MAPKAPK5: variants seen among roughly 807,000 people sequenced by gnomAD.
The protein encoded by MAPKAPK5 is MAP kinase-activated protein kinase 5.
A neutral mutation model predicts 65.1 loss-of-function variants in MAPKAPK5; 30 were observed. The ratio of observed to expected loss-of-function variants is 0.46; its 90% CI spans 0.34 to 0.63. The LOEUF is 0.63. Ranked by LOEUF, MAPKAPK5 falls within the 20% of genes least tolerant of loss-of-function variation. The pLI is 0.01. For synonymous variants in MAPKAPK5, 179 were observed against 204.6 expected, an observed-to-expected ratio of 0.87 and a Z score of 1.07; for missense variants, 433 against 581.4, an observed-to-expected ratio of 0.74 and a Z score of 2.63.
intron 7 of MAPKAPK5, among the ~76,000 whole-genome samples, chr12:111,875,927 C>T (rs371635809): frequency 5.3e-5 from 8 of 151,980 alleles, no homozygotes; most frequent in African/African-American, 9.7e-5. Flanking sequence ...AGTGATGGGC[C>T]GGGCGCAGTG....
Position 111,901,024 on chromosome 12 carries a change from T to C in MAPKAPK5, c.*7963T>C, listed in dbSNP as rs1237386362. On this transcript the variant is annotated 3_prime_UTR_variant, in exon 14 of 14. Transcript: ENST00000550735. ...TATGTTCGGTGTTCAGATGGTAATA[T>C]ATTTTGTGGGAAACTTATATGTTCA... 5 of 455,956 alleles carry C rather than the reference T, an allele frequency of 1.1e-5. No individual in the cohort carries two copies. Among genetic ancestry groups the C allele is most frequent in the Admixed American group, 2.4e-5 (1 of 42,544 alleles). 28.2% of individuals were successfully genotyped at this position (455,956 alleles called of 1,614,324 possible). A position where few individuals can be genotyped will look rare whatever the true frequency, so the allele number is the denominator to read the frequency against.
In MAPKAPK5 at chr12:111,898,077, CGAA is replaced by C. The variant is rs2070880268; in HGVS notation, c.*5020_*5022del. On this transcript the variant is annotated 3_prime_UTR_variant, in exon 14 of 14. Coordinates refer to ENST00000550735, the MANE Select transcript of MAPKAPK5 (RefSeq NM_003668.4). ...TTTCAGGTCAATTTTAGTTCCAAAC[CGAA>C]GAAATCTTTTAAAAGTTCTTATATA... 6.6e-6 allele frequency: 1 copy of C among 151,856 alleles called. No individual in the cohort carries two copies. Among genetic ancestry groups the C allele is most frequent in the Non-Finnish European group, 1.5e-5 (1 of 67,988 alleles). 9.4% of individuals were successfully genotyped at this position (151,856 alleles called of 1,614,324 possible). A position where few individuals can be genotyped will look rare whatever the true frequency, so the allele number is the denominator to read the frequency against.
At chr12:111,886,561 C>T (rs756626380) in intron 10 of MAPKAPK5, among the ~76,000 whole-genome samples, 19 of 152,250 alleles carry the variant, frequency 1.2e-4, no homozygotes, top group Non-Finnish European at 2.5e-4. Context: ...TTCGGACATG[C>T]GCTGTCCTTG....
chr12:111,861,212 G>A (rs2069426416), intron 1 of MAPKAPK5, among the ~76,000 whole-genome samples: 1 of 152,108 alleles, frequency 6.6e-6, no homozygotes, highest in Non-Finnish European at 1.5e-5. Context: ...AGAATGACTA[G>A]GGTCTGCCTT....
At position 111,842,455 on chromosome 12, in the gene MAPKAPK5, G is replaced by C. The variant is rs562405889; in HGVS notation, c.-279G>C. 9 of 288,736 alleles carry C rather than the reference G, an allele frequency of 3.1e-5. No homozygotes were observed. In the South Asian group the frequency reaches 1.3e-3, roughly 42 times the overall value. The allele number at this position is 288,736 out of a possible 1,614,324, so 17.9% of individuals were successfully genotyped here. A position where few individuals can be genotyped will look rare whatever the true frequency, so the allele number is the denominator to read the frequency against. ...CCTACCCCAGGAGCCTGCCTCCCCA[G>C]CTGGGGATGAGGCTAGGAGGCGGCC... On this transcript the variant is annotated 5_prime_UTR_variant, in exon 1 of 14. Transcript: ENST00000550735.
intron 1 of MAPKAPK5, among the ~76,000 whole-genome samples, chr12:111,856,010 C>T (rs1352330173): frequency 1.3e-5 from 2 of 151,854 alleles, no homozygotes; most frequent in East Asian, 3.9e-4. Flanking sequence ...CATACACCAC[C>T]ATGCCTGGCT....
At chr12:111,888,445 C>T in intron 10 of MAPKAPK5, 43 bp from the exon 11 acceptor site, 2 of 1,605,804 alleles carry the variant, frequency 1.2e-6, no homozygotes, top group Non-Finnish European at 1.7e-6. Context: ...TTTTAGGTGC[C>T]CAGCAATGAA....
intron 10 of MAPKAPK5, 23 bp from the exon 11 acceptor site, chr12:111,888,465 C>T (rs772885730): frequency 5.5e-5 from 89 of 1,611,114 alleles, no homozygotes; most frequent in Non-Finnish European, 6.4e-5. Flanking sequence ...ATATGAAAAA[C>T]TGACGGCAGT....
chr12:111,891,862 A>G (rs1028176633), intron 13 of MAPKAPK5, among the ~76,000 whole-genome samples: 9 of 152,068 alleles, frequency 5.9e-5, no homozygotes, highest in African/African-American at 2.2e-4. Flanking sequence ...AAAAGTGATC[A>G]CATATGAAAT....
chr12:111,871,559 C>T (rs917143413), intron 7 of MAPKAPK5, among the ~76,000 whole-genome samples: 9 of 152,076 alleles, frequency 5.9e-5, no homozygotes, highest in Non-Finnish European at 1.2e-4. Flanking sequence ...AGGAGAATCG[C>T]TTGAACCTGG....
chr12:111,876,483 C>G (rs951190083), intron 7 of MAPKAPK5, among the ~76,000 whole-genome samples: 2 of 151,932 alleles, frequency 1.3e-5, no homozygotes, highest in African/African-American at 4.8e-5. Context: ...AAAAAAGTCC[C>G]AACAATTTGA....
At chr12:111,875,572 G>A (rs1292945788) in intron 7 of MAPKAPK5, among the ~76,000 whole-genome samples, 2 of 151,940 alleles carry the variant, frequency 1.3e-5, no homozygotes, top group Non-Finnish European at 1.5e-5. Flanking sequence ...ATGGGGGACC[G>A]AGAGGTATCT....
intron 7 of MAPKAPK5, chr12:111,880,198 A>G: frequency 2.0e-6 from 1 of 497,278 alleles, no homozygotes; most frequent in South Asian, 2.2e-5. Context: ...GATGGGCAGG[A>G]AGAAGAGAGG....
intron 1 of MAPKAPK5, among the ~76,000 whole-genome samples, chr12:111,859,522 C>T (rs1049414500): frequency 6.6e-6 from 1 of 152,220 alleles, no homozygotes; most frequent in Non-Finnish European, 1.5e-5. Context: ...GCCTTGGCCT[C>T]CCAAGTGCTG....
At chr12:111,887,885 G>GA (rs201653659) in intron 10 of MAPKAPK5, 196 of 146,934 alleles carry the variant, frequency 1.3e-3, no homozygotes, top group African/African-American at 3.4e-3. Flanking sequence ...TACAAAAATG[G>GA]AAAAAAAAAT....
At chr12:111,859,653 T>TTTTC (rs10686518) in intron 1 of MAPKAPK5, among the ~76,000 whole-genome samples, 27,119 of 142,690 alleles carry the variant, frequency 0.19, 2,647 homozygotes, top group Middle Eastern at 0.27. Context: ...TTTGCTTTTC[T>TTTTC]TTTTTTTTTT....
At chr12:111,848,421 T>C (rs2068968667) in intron 1 of MAPKAPK5, among the ~76,000 whole-genome samples, 1 of 151,216 alleles carries the variant, frequency 6.6e-6, no homozygotes, top group Admixed American at 6.6e-5. Context: ...CATTTTTTTT[T>C]TTTTTTTTTT....
intron 7 of MAPKAPK5, among the ~76,000 whole-genome samples, chr12:111,872,367 C>T (rs2069812293): frequency 6.6e-6 from 1 of 152,088 alleles, no homozygotes; most frequent in South Asian, 2.1e-4. Context: ...TCCTGATGGC[C>T]ACTATTTTGG....
Position 111,883,785 on chromosome 12 carries a change from C to A in MAPKAPK5, c.848+17C>A. The stretch of plus-strand genomic sequence containing the variant: ...TGTGAGGAAGTGAGTTCACGGGCTG[C>A]TGGGCATGGAGGCCAAGGAGGCCTC... On this transcript the variant is annotated intron_variant, in intron 9 of 13. Transcript: ENST00000550735. The surrounding 1 kb of genome is among the most constrained non-coding windows in gnomAD (Gnocchi z 4.8). The A allele has an allele frequency of 6.2e-7, 1 of 1,609,198 alleles. No homozygotes were observed. Among genetic ancestry groups the A allele is most frequent in the Non-Finnish European group, 8.5e-7 (1 of 1,177,958 alleles).
Sources: gnomAD v4.1 joint callset for allele counts (sites outside exome capture counted in the v4.1 genomes callset) on GRCh38, gnomAD v4.1.1 for gene constraint, Gnocchi (gnomAD v3.1) non-coding constraint, MANE v1.5 for transcripts, NCBI Gene and HGNC (gene_info 2026-07-23, HGNC 2026-07-21) for gene names.